Variants in ALMS1 observed in about 807,000 individuals in gnomAD.
The protein encoded by ALMS1 is centrosome-associated protein ALMS1.
ALMS1 carries 271 observed loss-of-function variants against 352.2 expected under a neutral mutation model. The observed-to-expected ratio is 0.77, with a 90% CI of 0.70 to 0.85. The LOEUF (loss-of-function observed/expected upper bound fraction) is 0.85, where lower values mean the gene tolerates loss of function less well. Ranked by LOEUF, ALMS1 falls within the 40% of genes least tolerant of loss-of-function variation. The probability of loss-of-function intolerance (pLI) is 0.00; values close to 1 mark genes in which losing one functional copy is unlikely to be tolerated. For missense variants in ALMS1, 5,445 were observed against 4,870.7 expected, an observed-to-expected ratio of 1.12 and a Z score of -3.51; for synonymous variants, 1,865 against 1,761.2, an observed-to-expected ratio of 1.06 and a Z score of -1.48.
At chr2:73,466,251 T>C (rs1366783643) in intron 9 of ALMS1, among the ~76,000 whole-genome samples, 1 of 152,040 alleles carries the variant, frequency 6.6e-6, no homozygotes. Flanking sequence ...CCAAGAATGA[T>C]AGACTGGATT....
rs1481716922 is a variant in ALMS1, at chr2:73,572,907, A to G, written c.11030A>G (p.Lys3677Arg). The G allele has an allele frequency of 6.2e-7, 1 of 1,614,148 alleles. No homozygotes were observed. Among genetic ancestry groups the G allele is most frequent in the Non-Finnish European group, 8.5e-7 (1 of 1,180,028 alleles). The change falls in exon 16 of 23, where the codon AAG becomes AGG. Residue 3677 changes from lysine (K) to arginine (R), a missense_variant. By Grantham distance (26) the Lys-to-Arg change is conservative (BLOSUM62 2). Transcript: ENST00000613296. ...CAGAGAAATAAGCTTCAGAAAAAGA[A>G]GCGGTTTAAAAGCCTAGAGAAAAGC... ...QQQRNKLQKK[K>R]RFKSLEKSHK...
At chr2:73,596,552 AC>A (rs1330909402) in intron 16 of ALMS1, among the ~76,000 whole-genome samples, 2 of 151,598 alleles carry the variant, frequency 1.3e-5, no homozygotes, top group Non-Finnish European at 2.9e-5. Flanking sequence ...GCACACTGCA[AC>A]CTTTGCCTCC....
intron 22 of ALMS1, among the ~76,000 whole-genome samples, chr2:73,609,085 G>A (rs1675885269): frequency 6.6e-6 from 1 of 152,246 alleles, no homozygotes; most frequent in Non-Finnish European, 1.5e-5. Flanking sequence ...GGCAGGGTTG[G>A]TGTTACCAGT....
Position 73,573,261 on chromosome 2 carries a change from G to T in ALMS1, c.11384G>T (p.Gly3795Val), listed in dbSNP as rs756862685. The part of the protein sequence containing the change: ...IDTARLIQAF[G>V]HERVCLSPRR... ...ACTGCCCGGCTGATTCAAGCTTTTG[G>T]CCATGAAAGAGTATGCTTGTCACCC... Residue 3795 changes from glycine (G) to valine (V), a missense_variant, in exon 16 of 23, where the codon GGC becomes GTC. Gly to Val is a moderately radical substitution (Grantham distance 109). Transcript: ENST00000613296. 3 of 1,613,854 alleles carry T rather than the reference G, an allele frequency of 1.9e-6. No homozygotes were observed. In the South Asian group the frequency reaches 3.3e-5, roughly 18 times the overall value.
rs745461983 is a variant in ALMS1, at chr2:73,451,070, GC to G, written c.4544del (p.Ala1515AspfsTer4). 2.5e-6 allele frequency: 4 copies of G among 1,610,288 alleles called. No homozygotes were observed. In the South Asian group the frequency reaches 4.4e-5, roughly 18 times the overall value. On this transcript the variant is annotated frameshift_variant, in exon 8 of 23. Transcript: ENST00000613296. LOFTEE classifies it high-confidence loss of function. The part of the protein sequence containing the change: ...APGPVGQTTG[A>X]PTITSPSYSQ... ...TGGACCAGTTGGCCAGACAACTGGC[GC>G]ACCAACTATAACCTCTCCTTCCTAC... is the stretch of plus-strand genomic sequence containing the variant.
At chr2:73,523,342 C>G (rs1673723514) in intron 11 of ALMS1, among the ~76,000 whole-genome samples, 2 of 152,198 alleles carry the variant, frequency 1.3e-5, no homozygotes, top group African/African-American at 4.8e-5. Flanking sequence ...AACCTTTTGT[C>G]TCATTTCCTT....
intron 2 of ALMS1, among the ~76,000 whole-genome samples, chr2:73,415,005 T>G (rs769126843): frequency 1.3e-5 from 2 of 152,176 alleles, no homozygotes; most frequent in Non-Finnish European, 2.9e-5. Flanking sequence ...CAACCTCTGC[T>G]TGAAACGCTG....
chr2:73,466,280 T>C (rs1311778219), intron 9 of ALMS1, among the ~76,000 whole-genome samples: 1 of 151,994 alleles, frequency 6.6e-6, no homozygotes, highest in Non-Finnish European at 1.5e-5. Flanking sequence ...GTGGCACATA[T>C]ACACCATGGA....
intron 9 of ALMS1, among the ~76,000 whole-genome samples, chr2:73,484,267 TAGTGGTGAC>T (rs1362544592): frequency 2.0e-5 from 3 of 151,754 alleles, no homozygotes; most frequent in Non-Finnish European, 4.4e-5. Flanking sequence ...AGGGCAGGCC[TAGTGGTGAC>T]AAAATCTCTC....
chr2:73,432,438 C>G, intron 7 of ALMS1, 147 bp downstream of exon 7: 3 of 605,798 alleles, frequency 5.0e-6, no homozygotes, highest in Non-Finnish European at 8.8e-6. Context: ...GTCTTAGTCT[C>G]TTTAGACTGC....
chr2:73,532,482 CAG>C (rs1258515916), intron 11 of ALMS1, among the ~76,000 whole-genome samples: 1 of 152,166 alleles, frequency 6.6e-6, no homozygotes, highest in Non-Finnish European at 1.5e-5. Flanking sequence ...TTTCCACAAA[CAG>C]AGGAGTCACT....
At chr2:73,395,628 A>G (rs942946283) in intron 1 of ALMS1, among the ~76,000 whole-genome samples, 1 of 152,112 alleles carries the variant, frequency 6.6e-6, no homozygotes, top group Non-Finnish European at 1.5e-5. Flanking sequence ...ATTTTTATAT[A>G]TATTAATATT....
intron 15 of ALMS1, among the ~76,000 whole-genome samples, chr2:73,560,302 A>G (rs1435374172): frequency 2.6e-5 from 4 of 152,226 alleles, no homozygotes; most frequent in African/African-American, 7.2e-5. Flanking sequence ...AAGATGCCCA[A>G]TCTCTCTAAT....
chr2:73,583,769 C>T (rs1224689365), intron 16 of ALMS1, among the ~76,000 whole-genome samples: 2 of 152,146 alleles, frequency 1.3e-5, no homozygotes, highest in African/African-American at 2.4e-5. Flanking sequence ...TTGGCACCCT[C>T]GTCAAAAATC....
chr2:73,426,011 T>C (rs939036520), intron 5 of ALMS1, among the ~76,000 whole-genome samples: 2 of 152,206 alleles, frequency 1.3e-5, no homozygotes, highest in South Asian at 2.1e-4. Flanking sequence ...CAGTGTGATA[T>C]AGGCAATGAA....
chr2:73,397,721 G>A (rs759275767), intron 1 of ALMS1, among the ~76,000 whole-genome samples: 7 of 152,250 alleles, frequency 4.6e-5, no homozygotes, highest in Middle Eastern at 3.4e-3. Context: ...ACCTGCCTCG[G>A]CCTCCCAGAG....
At chr2:73,400,592 A>G (rs543185209) in intron 1 of ALMS1, among the ~76,000 whole-genome samples, 3 of 152,288 alleles carry the variant, frequency 2.0e-5, no homozygotes, top group African/African-American at 7.2e-5. Flanking sequence ...TTAGAAGGCT[A>G]TTAATTTATG....
Position 73,562,452 on chromosome 2 carries a change from C to G in ALMS1, c.10384+3310C>G, listed in dbSNP as rs1674684066. On this transcript the variant is annotated intron_variant, in intron 15 of 22. Transcript: ENST00000613296. The stretch of plus-strand genomic sequence containing the variant: ...AAGAAAAAGAATGAATCATGCAGGC[C>G]TCCATACAGAAAAAAACAAGTAGAA... Among the ~76,000 whole-genome samples the G allele has an allele frequency of 2.6e-5, 4 of 151,936 alleles. No individual in the cohort carries two copies. The South Asian group carries it at 8.3e-4, about 32-fold the overall frequency.
At chr2:73,390,832 C>T (rs999348516) in intron 1 of ALMS1, among the ~76,000 whole-genome samples, 13 of 151,562 alleles carry the variant, frequency 8.6e-5, no homozygotes, top group Non-Finnish European at 1.8e-4. Flanking sequence ...TGGCAGTGGC[C>T]CGATCTTGGC....
Sources: allele counts gnomAD v4.1 joint callset (sites outside exome capture counted in the v4.1 genomes callset), GRCh38; gene constraint gnomAD v4.1.1; transcripts MANE v1.5; gene names NCBI Gene and HGNC (gene_info 2026-07-23, HGNC 2026-07-21).